Variants in NAV3 observed in about 807,000 individuals in gnomAD.
The protein encoded by NAV3 is pore membrane and/or filament interacting like protein 1.
NAV3 carries 87 observed loss-of-function variants against 244.7 expected under a neutral mutation model. That is an observed-to-expected ratio of 0.36 (90% CI 0.30 to 0.42). NAV3 has a LOEUF of 0.42. Ranked by LOEUF, NAV3 falls within the 20% of genes least tolerant of loss-of-function variation. The pLI, the probability that NAV3 is intolerant of heterozygous loss-of-function variation, is 1.00. For synonymous variants in NAV3, 1,126 were observed against 1,042.2 expected, an observed-to-expected ratio of 1.08 and a Z score of -1.55; for missense variants, 2,663 against 2,893.3, an observed-to-expected ratio of 0.92 and a Z score of 1.83.
rs545401780 is a variant in NAV3, at chr12:78,093,747, A to G, written c.2637-23025A>G. On this transcript the variant is annotated intron_variant, in intron 12 of 39. Coordinates refer to ENST00000397909, the MANE Select transcript of NAV3 (RefSeq NM_001024383.2). ...GTAAAATTGTTTCTTACCCCAAATCATCTTTAATTTTAAATTTAGAAAATA... is the reference window on the plus strand; with the variant it reads ...GTAAAATTGTTTCTTACCCCAAATCGTCTTTAATTTTAAATTTAGAAAATA... 1.1e-3 allele frequency among the ~76,000 whole-genome samples: 175 copies of G among 152,318 alleles called. 2 individuals are homozygous for G. Among genetic ancestry groups the G allele is most frequent in the African/African-American group, 4.1e-3 (170 of 41,582 alleles).
intron 2 of NAV3, among the ~76,000 whole-genome samples, chr12:77,687,385 A>G (rs184948155): frequency 7.2e-4 from 109 of 152,218 alleles, no homozygotes; most frequent in African/African-American, 2.5e-3. Flanking sequence ...AGAAAGCCGT[A>G]TTAGAGCCCA....
intron 1 of NAV3, among the ~76,000 whole-genome samples, chr12:77,924,018 A>G (rs1433409315): frequency 6.6e-6 from 1 of 152,104 alleles, no homozygotes; most frequent in African/African-American, 2.4e-5. Flanking sequence ...TCTGGCTGCA[A>G]GGAGAATCTC....
At chr12:77,808,035 A>C (rs770325265) in intron 2 of NAV3, among the ~76,000 whole-genome samples, 1 of 152,052 alleles carries the variant, frequency 6.6e-6, no homozygotes, top group Non-Finnish European at 1.5e-5. Context: ...CAGGTCATTT[A>C]TGTTCTTCTC....
rs3054760 is a variant in NAV3 at position 78,178,008 on chromosome 12, GT to G, written c.5363+333del. On this transcript the variant is annotated intron_variant, in intron 28 of 39. Coordinates refer to ENST00000397909, the MANE Select transcript of NAV3 (RefSeq NM_001024383.2). ...TAGCACCAAGCCCTATGTATATTAT[GT>G]TTTTTTTTTCTATACATGCATACCT... is the stretch of plus-strand genomic sequence containing the variant. 3.5e-3 allele frequency among the ~76,000 whole-genome samples: 518 copies of G among 149,632 alleles called. 6 individuals carry two copies. Among genetic ancestry groups the G allele is most frequent in the East Asian group, 9.2e-3 (46 of 5,018 alleles).
intron 38 of NAV3, among the ~76,000 whole-genome samples, chr12:78,200,844 T>A (rs567509761): frequency 6.6e-6 from 1 of 151,996 alleles, no homozygotes; most frequent in Admixed American, 6.6e-5. Flanking sequence ...TTGTCATGGA[T>A]GTTTACAGGT....
At chr12:77,918,447 C>T (rs980075721) in intron 1 of NAV3, among the ~76,000 whole-genome samples, 3 of 152,090 alleles carry the variant, frequency 2.0e-5, no homozygotes, top group Non-Finnish European at 4.4e-5. Flanking sequence ...CCACACCTAG[C>T]ATAGTTATTG....
chr12:77,807,198 G>T (rs1372262233), intron 2 of NAV3, among the ~76,000 whole-genome samples: 1 of 152,186 alleles, frequency 6.6e-6, no homozygotes, highest in Non-Finnish European at 1.5e-5. Context: ...ATCGACATGT[G>T]TGAATTTGAT....
chr12:77,736,930 A>G (rs908433068), intron 2 of NAV3, among the ~76,000 whole-genome samples: 1 of 152,182 alleles, frequency 6.6e-6, no homozygotes, highest in African/African-American at 2.4e-5. Context: ...AATGAGATCA[A>G]TTCAACAGTA....
At chr12:77,990,722 T>A (rs1361879305) in intron 5 of NAV3, among the ~76,000 whole-genome samples, 4 of 152,232 alleles carry the variant, frequency 2.6e-5, no homozygotes, top group Admixed American at 6.5e-5. Context: ...GTTTAACAGT[T>A]GTTTATTTGA....
intron 2 of NAV3, among the ~76,000 whole-genome samples, chr12:77,579,562 G>C (rs1465879558): frequency 3.9e-5 from 6 of 152,188 alleles, no homozygotes; most frequent in Non-Finnish European, 7.3e-5. Flanking sequence ...ACCCAACCAT[G>C]AGGGTGGAGC....
rs529162665 is a variant in NAV3, at chr12:78,131,779, C to T, written c.4441+2913C>T. ...ACCTAGGTTATATTGTAAAGAATGA[C>T]GGATATAGTGTATGTAAAGATGGAG... is the stretch of plus-strand genomic sequence containing the variant. On this transcript the variant is annotated intron_variant, in intron 18 of 39. Transcript: ENST00000397909. Among the ~76,000 whole-genome samples the T allele has an allele frequency of 3.3e-5, 5 of 152,092 alleles. No homozygotes were observed. In the South Asian group the frequency reaches 6.2e-4, roughly 19 times the overall value.
At chr12:77,611,685 T>TAA (rs1194012885) in intron 2 of NAV3, among the ~76,000 whole-genome samples, 24 of 152,108 alleles carry the variant, frequency 1.6e-4, no homozygotes, top group African/African-American at 4.3e-4. Flanking sequence ...TATATATATA[T>TAA]AACACAGTCT....
At chr12:78,046,000 A>G (rs1161561147) in intron 9 of NAV3, among the ~76,000 whole-genome samples, 4 of 151,904 alleles carry the variant, frequency 2.6e-5, no homozygotes, top group East Asian at 1.9e-4. Context: ...TTTCTTCTAG[A>G]TTTTCTAGTT....
chr12:77,949,454 T>C (rs917571475), intron 3 of NAV3, among the ~76,000 whole-genome samples: 1 of 152,046 alleles, frequency 6.6e-6, no homozygotes, highest in Non-Finnish European at 1.5e-5. Flanking sequence ...CAAAATAAGG[T>C]CTGGAATTCA....
chr12:77,589,902 G>T (rs1869827531), intron 2 of NAV3, among the ~76,000 whole-genome samples: 1 of 152,194 alleles, frequency 6.6e-6, no homozygotes, highest in Admixed American at 6.5e-5. Context: ...GTATCAACTT[G>T]ATCAATTTGC....
At chr12:78,204,801 A>T in intron 38 of NAV3, 134 bp from the exon 39 acceptor site, 1 of 717,516 alleles carries the variant, frequency 1.4e-6, no homozygotes, top group Non-Finnish European at 2.3e-6. Flanking sequence ...GCAAAACTGT[A>T]TACAGATACT....
chr12:78,029,145 T>C (rs1444457119), intron 9 of NAV3, among the ~76,000 whole-genome samples: 1 of 137,726 alleles, frequency 7.3e-6, no homozygotes, highest in Non-Finnish European at 1.5e-5. Context: ...ATATGTCAAA[T>C]GAGAAAAACA....
intron 2 of NAV3, among the ~76,000 whole-genome samples, chr12:77,757,498 A>G (rs1869245335): frequency 6.6e-6 from 1 of 152,218 alleles, no homozygotes; most frequent in African/African-American, 2.4e-5. Context: ...CAGGTGCCAC[A>G]TAATTAGTAA....
intron 2 of NAV3, among the ~76,000 whole-genome samples, chr12:77,598,863 G>T (rs1379333511): frequency 6.6e-6 from 1 of 151,902 alleles, no homozygotes; most frequent in Non-Finnish European, 1.5e-5. Context: ...TTTAACATAA[G>T]ATATACCTTC....
Sources: allele counts gnomAD v4.1 joint callset (sites outside exome capture counted in the v4.1 genomes callset), GRCh38; gene constraint gnomAD v4.1.1; transcripts MANE v1.5; gene names NCBI Gene and HGNC (gene_info 2026-07-23, HGNC 2026-07-21).